ANKRD29: variants seen among roughly 807,000 people sequenced by gnomAD.
The protein encoded by ANKRD29 is ankyrin repeat domain 29.
ANKRD29 carries 32 observed loss-of-function variants against 38.0 expected under a neutral mutation model. That is an observed-to-expected ratio of 0.84 (90% CI 0.64 to 1.13). The LOEUF (loss-of-function observed/expected upper bound fraction) is 1.13. Among genes scored for constraint, ANKRD29 ranks in the 50% most tolerant of loss-of-function variants. The pLI, the probability that ANKRD29 is intolerant of heterozygous loss-of-function variation, is 0.00. For missense variants in ANKRD29, 357 were observed against 377.9 expected (o/e 0.94, Z 0.46); for synonymous variants, 135 against 152.4 (o/e 0.89, Z 0.84).
At chr18:23,610,582 A>C (rs2059629103) in intron 9 of ANKRD29, among the ~76,000 whole-genome samples, 1 of 152,148 alleles carries the variant, frequency 6.6e-6, no homozygotes, top group Non-Finnish European at 1.5e-5. Context: ...ATTGCTTGAG[A>C]CCAGGAGTTC....
At chr18:23,659,969 G>A (rs771838638) in intron 1 of ANKRD29, among the ~76,000 whole-genome samples, 37 of 151,504 alleles carry the variant, frequency 2.4e-4, no homozygotes, top group Non-Finnish European at 5.9e-5. Flanking sequence ...AAATTAGCCG[G>A]GCGTGGTGGC....
At chr18:23,610,824 G>T (rs1568007710) in intron 9 of ANKRD29, among the ~76,000 whole-genome samples, 1 of 152,020 alleles carries the variant, frequency 6.6e-6, no homozygotes, top group Admixed American at 6.6e-5. Context: ...GGGACTACAG[G>T]TGCACACCAC....
intron 6 of ANKRD29, among the ~76,000 whole-genome samples, chr18:23,625,182 A>T (rs985187191): frequency 6.6e-6 from 1 of 151,762 alleles, no homozygotes; most frequent in African/African-American, 2.4e-5. Flanking sequence ...TTTCTTACCC[A>T]CCCTACCCTG....
At chr18:23,639,989 T>A (rs2060052787) in intron 3 of ANKRD29, among the ~76,000 whole-genome samples, 1 of 152,200 alleles carries the variant, frequency 6.6e-6, no homozygotes, top group South Asian at 2.1e-4. Flanking sequence ...TGGGTGATGA[T>A]GTTGGTTGTA....
intron 3 of ANKRD29, 60 bp downstream of exon 3, chr18:23,646,129 C>T: frequency 6.7e-7 from 1 of 1,493,904 alleles, no homozygotes; most frequent in Admixed American, 1.7e-5. Flanking sequence ...AGTTCACTAT[C>T]ATGAAAACTT....
At chr18:23,620,882 TGGA>T (rs752092300) in intron 6 of ANKRD29, among the ~76,000 whole-genome samples, 5 of 152,170 alleles carry the variant, frequency 3.3e-5, no homozygotes, top group Non-Finnish European at 7.3e-5. Context: ...AACAGTCGGC[TGGA>T]GTGAGCCTGG....
chr18:23,612,028 C>T (rs1394425216), intron 9 of ANKRD29, 64 bp downstream of exon 9: 1 of 1,438,758 alleles, frequency 7.0e-7, no homozygotes, highest in Non-Finnish European at 9.7e-7. Flanking sequence ...AGATGTTTAT[C>T]CTTCCTGGCC....
chr18:23,610,253 G>A (rs1389602934), intron 9 of ANKRD29, among the ~76,000 whole-genome samples: 3 of 152,160 alleles, frequency 2.0e-5, no homozygotes, highest in Admixed American at 6.5e-5. Context: ...CGAGGGGGGC[G>A]GATCACAAGG....
intron 9 of ANKRD29, among the ~76,000 whole-genome samples, chr18:23,602,242 G>C (rs1313504478): frequency 6.6e-6 from 1 of 151,954 alleles, no homozygotes; most frequent in Non-Finnish European, 1.5e-5. Flanking sequence ...TCGCCATTTA[G>C]CCAGGCTGGT....
At chr18:23,660,578 G>A (rs1463478475) in intron 1 of ANKRD29, among the ~76,000 whole-genome samples, 6 of 152,160 alleles carry the variant, frequency 3.9e-5, no homozygotes, top group Non-Finnish European at 5.9e-5. Context: ...AGGCTGAGGC[G>A]GGCGATCACG....
At chr18:23,630,389 TCATTC>T (rs749776378) in intron 5 of ANKRD29, among the ~76,000 whole-genome samples, 42 of 151,956 alleles carry the variant, frequency 2.8e-4, no homozygotes, top group South Asian at 6.2e-4. Flanking sequence ...TCGCGCCACT[TCATTC>T]CAGCCTGGGC....
chr18:23,613,780 A>T (rs2059675879), intron 8 of ANKRD29, among the ~76,000 whole-genome samples: 2 of 151,422 alleles, frequency 1.3e-5, no homozygotes, highest in Admixed American at 1.3e-4. Context: ...TTGTATTTTT[A>T]GTAGAGACAG....
intron 5 of ANKRD29, 66 bp downstream of exon 5, chr18:23,633,985 C>T: frequency 1.3e-6 from 2 of 1,520,494 alleles, no homozygotes; most frequent in Admixed American, 1.7e-5. Flanking sequence ...TTTCTGGCAT[C>T]TGAATTTAGA....
intron 1 of ANKRD29, among the ~76,000 whole-genome samples, chr18:23,653,864 C>A (rs2060242511): frequency 6.6e-6 from 1 of 152,068 alleles, no homozygotes; most frequent in Non-Finnish European, 1.5e-5. Context: ...AGCCACCATG[C>A]CTGGCCTATT....
chr18:23,616,870 A>C (rs745637158), intron 8 of ANKRD29, among the ~76,000 whole-genome samples: 8 of 150,986 alleles, frequency 5.3e-5, no homozygotes, highest in Non-Finnish European at 1.0e-4. Flanking sequence ...CTTTACAGAA[A>C]AAGTTTGCTG....
chr18:23,662,808 G>C lies in ANKRD29; in HGVS notation c.-78C>G, dbSNP rs2060385845. 1.0e-5 allele frequency: 13 copies of C among 1,268,524 alleles called. No homozygotes were observed. The highest frequency in any genetic ancestry group is 1.3e-5 in the Non-Finnish European group (13 of 1,002,636). The allele number at this position is 1,268,524 out of a possible 1,614,324, so 78.6% of individuals were successfully genotyped here. Reference sequence around the variant, plus strand: ...TCCTCCCCGGCCCTTCACTCTCCCGGGGCTCTCGGCGTTCCGCAGAGGGGC... The same window carrying C: ...TCCTCCCCGGCCCTTCACTCTCCCGCGGCTCTCGGCGTTCCGCAGAGGGGC... On this transcript the variant is annotated 5_prime_UTR_variant, in exon 1 of 10. Transcript: ENST00000592179.
In ANKRD29 at chr18:23,650,980, G is replaced by A. The variant is rs113412276; in HGVS notation, c.22-1787C>T. Reference sequence around the variant, plus strand: ...CTACGCGACTCAAAAGGCCTTTTGCGTAATATGCCTTTTAAATATATTGAT... The same window carrying A: ...CTACGCGACTCAAAAGGCCTTTTGCATAATATGCCTTTTAAATATATTGAT... On this transcript the variant is annotated intron_variant, in intron 1 of 9. Transcript: ENST00000592179. Among the ~76,000 whole-genome samples the A allele has an allele frequency of 4.0e-4, 61 of 152,258 alleles. 4 individuals carry two copies. Among genetic ancestry groups the A allele is most frequent in the African/African-American group, 1.2e-3 (51 of 41,552 alleles).
intron 6 of ANKRD29, among the ~76,000 whole-genome samples, chr18:23,626,901 G>T (rs1440165055): frequency 1.3e-5 from 2 of 152,222 alleles, no homozygotes; most frequent in Non-Finnish European, 2.9e-5. Flanking sequence ...ATCAGATTTA[G>T]CCAAAAGTAT....
At chr18:23,627,392 C>T (rs1228700590) in intron 6 of ANKRD29, among the ~76,000 whole-genome samples, 3 of 152,172 alleles carry the variant, frequency 2.0e-5, no homozygotes, top group Non-Finnish European at 2.9e-5. Flanking sequence ...AGCACTTGCT[C>T]CTTGACCAGA....
Sources: allele counts gnomAD v4.1 joint callset (sites outside exome capture counted in the v4.1 genomes callset), GRCh38; gene constraint gnomAD v4.1.1; transcripts MANE v1.5; gene names NCBI Gene and HGNC (gene_info 2026-07-23, HGNC 2026-07-21).